The following PALMD variants were observed in gnomAD, a reference collection of about 807,000 sequenced individuals.
PALMD encodes palmdelphin, also known as paralemmin-like protein.
Under a neutral mutation model 56.2 loss-of-function variants are expected in PALMD, and 42 were observed. The observed-to-expected ratio is 0.75, with a 90% CI of 0.58 to 0.97. PALMD has a LOEUF of 0.97. PALMD is among the 50% of genes least tolerant of loss of function. The pLI is 0.00. For synonymous variants in PALMD, 242 were observed against 222.9 expected (o/e 1.09, Z -0.76); for missense variants, 660 against 643.8 (o/e 1.03, Z -0.27).
In PALMD at chr1:99,689,347, C is replaced by A. The variant is rs960560927; in HGVS notation, c.1087C>A (p.Pro363Thr). 7 of 1,613,660 alleles carry A rather than the reference C, an allele frequency of 4.3e-6. No homozygotes were observed. Among genetic ancestry groups the A allele is most frequent in the Non-Finnish European group, 5.9e-6 (7 of 1,179,856 alleles). The change falls in exon 7 of 8, where the codon CCC (proline) becomes ACC (threonine). Residue 363 changes from proline to threonine, a missense_variant. By Grantham distance (38) the Pro-to-Thr change is conservative. Coordinates refer to ENST00000263174, the MANE Select transcript of PALMD (RefSeq NM_017734.5). ...ESNVMQDKDA[P>T]SPKPRLSPRE... Reference sequence around the variant, plus strand: ...GAATGTCATGCAGGACAAAGATGCACCCTCTCCAAAGCCAAGGCTGAGCCC... The same window carrying A: ...GAATGTCATGCAGGACAAAGATGCAACCTCTCCAAAGCCAAGGCTGAGCCC...
chr1:99,648,684 T>C (rs1299637612), intron 1 of PALMD, among the ~76,000 whole-genome samples: 1 of 152,064 alleles, frequency 6.6e-6, no homozygotes, highest in Middle Eastern at 3.2e-3. Context: ...TTTTACACTC[T>C]AGGATCTATT....
intron 1 of PALMD, among the ~76,000 whole-genome samples, chr1:99,648,334 C>T (rs1444474636): frequency 6.6e-6 from 1 of 152,130 alleles, no homozygotes; most frequent in Non-Finnish European, 1.5e-5. Context: ...CATCCACTCT[C>T]CTCCCTCTTG....
chr1:99,655,046 AT>A (rs1238278804), intron 1 of PALMD, among the ~76,000 whole-genome samples: 38 of 152,202 alleles, frequency 2.5e-4, no homozygotes, highest in Admixed American at 3.3e-4. Context: ...ACCAGAATCA[AT>A]AGTTAGAGAA....
At chr1:99,681,001 T>G (rs1653327854) in intron 3 of PALMD, among the ~76,000 whole-genome samples, 1 of 151,992 alleles carries the variant, frequency 6.6e-6, no homozygotes, top group Non-Finnish European at 1.5e-5. Flanking sequence ...CCTGCAACAG[T>G]TCATGAAATG....
At chr1:99,666,838 T>A (rs1652971922) in intron 2 of PALMD, among the ~76,000 whole-genome samples, 1 of 152,206 alleles carries the variant, frequency 6.6e-6, no homozygotes. Flanking sequence ...TTTTAAGTCT[T>A]CTTAGGTCTT....
At chr1:99,685,592 A>G (rs1186891448) in intron 3 of PALMD, 1 of 152,232 alleles carries the variant, frequency 6.6e-6, no homozygotes, top group Non-Finnish European at 1.5e-5. Context: ...AGCTGACCAC[A>G]TCTTGGGCTT....
intron 3 of PALMD, 161 bp from the exon 4 acceptor site, chr1:99,686,515 A>G (rs7512956): frequency 0.046 from 21,553 of 467,886 alleles, 1,366 homozygotes; most frequent in African/African-American, 0.22. Context: ...TATATTAAGT[A>G]TCATGCTTAG....
chr1:99,683,146 GAAAGAAAGAAAGAAAGAAAGAAAC>G lies in PALMD; in HGVS notation c.252-3529_252-3506del, dbSNP rs1557674084. 7.6e-4 allele frequency: 93 copies of G among 122,400 alleles called. 1 individual carries two copies. The highest frequency in any genetic ancestry group is 4.2e-3 in the Middle Eastern group (1 of 238). The allele number at this position is 122,400 out of a possible 1,614,324, so 7.6% of individuals were successfully genotyped here. On this transcript the variant is annotated intron_variant, in intron 3 of 7. Coordinates refer to ENST00000263174, the MANE Select transcript of PALMD (RefSeq NM_017734.5). ...AGAAAGAAAGAAAGAAAGAAAGAAA[GAAAGAAAGAAAGAAAGAAAGAAAC>G]GAACACCCTATGAAGTTGTTAACAT...
At chr1:99,671,141 C>G (rs185490150) in intron 3 of PALMD, among the ~76,000 whole-genome samples, 1 of 152,134 alleles carries the variant, frequency 6.6e-6, no homozygotes, top group African/African-American at 2.4e-5. Flanking sequence ...CGTGCCTGCT[C>G]GAGGGTGACA....
intron 3 of PALMD, among the ~76,000 whole-genome samples, chr1:99,680,132 G>C (rs901848790): frequency 7.9e-5 from 12 of 152,088 alleles, no homozygotes; most frequent in Non-Finnish European, 1.5e-4. Context: ...GAGATAAATG[G>C]ACCCTTAGCA....
chr1:99,690,071 T>C (rs1277931692), intron 7 of PALMD, 199 bp downstream of exon 7: 8 of 513,316 alleles, frequency 1.6e-5, no homozygotes, highest in Admixed American at 3.7e-5. Flanking sequence ...AAAGTAAAAA[T>C]AAATCATTGC....
intron 7 of PALMD, among the ~76,000 whole-genome samples, chr1:99,691,794 A>G (rs1653658374): frequency 6.6e-6 from 1 of 152,170 alleles, no homozygotes; most frequent in African/African-American, 2.4e-5. Context: ...TATGGTATAA[A>G]TCCCCTATTT....
chr1:99,661,617 A>C (rs974488596), intron 1 of PALMD, among the ~76,000 whole-genome samples: 1 of 152,216 alleles, frequency 6.6e-6, no homozygotes, highest in East Asian at 1.9e-4. Flanking sequence ...AGTCAAACCC[A>C]GGCTGTCTAC....
chr1:99,674,890 G>C (rs1653167636), intron 3 of PALMD, among the ~76,000 whole-genome samples: 1 of 152,238 alleles, frequency 6.6e-6, no homozygotes, highest in South Asian at 2.1e-4. Flanking sequence ...CATTGTAATA[G>C]AGAAAGGATC....
At chr1:99,676,918 G>C (rs1354546102) in intron 3 of PALMD, among the ~76,000 whole-genome samples, 1 of 152,096 alleles carries the variant, frequency 6.6e-6, no homozygotes, top group Non-Finnish European at 1.5e-5. Flanking sequence ...CCCATCAGTA[G>C]TAATTTATCT....
chr1:99,674,608 A>C (rs1404049661), intron 3 of PALMD, among the ~76,000 whole-genome samples: 2 of 129,380 alleles, frequency 1.5e-5, no homozygotes, highest in East Asian at 2.0e-4. Flanking sequence ...ACTCCCACCC[A>C]AAAAAAAAAA....
chr1:99,691,354 A>AC (rs1653647322), intron 7 of PALMD, among the ~76,000 whole-genome samples: 1 of 152,096 alleles, frequency 6.6e-6, no homozygotes, highest in South Asian at 2.1e-4. Flanking sequence ...CAACACATTT[A>AC]CCCCATGGAA....
intron 1 of PALMD, among the ~76,000 whole-genome samples, chr1:99,650,046 G>A (rs1270028950): frequency 1.3e-5 from 2 of 152,148 alleles, no homozygotes; most frequent in Admixed American, 6.5e-5. Flanking sequence ...AATGTGAGGA[G>A]TGGGGATGGG....
chr1:99,685,521 G>A (rs1653464251), intron 3 of PALMD: 1 of 152,240 alleles, frequency 6.6e-6, no homozygotes, highest in Non-Finnish European at 1.5e-5. Flanking sequence ...ATCTACCAAT[G>A]GCCAGAGGCA....
Sources: allele counts gnomAD v4.1 joint callset (sites outside exome capture counted in the v4.1 genomes callset), GRCh38; gene constraint gnomAD v4.1.1; transcripts MANE v1.5; gene names NCBI Gene and HGNC (gene_info 2026-07-23, HGNC 2026-07-21).